CAB39: variants seen among roughly 807,000 people sequenced by gnomAD.
CAB39 encodes the protein calcium-binding protein 39.
A neutral mutation model predicts 40.0 loss-of-function variants in CAB39; 8 were observed. The observed-to-expected ratio is 0.20, with a 90% CI of 0.12 to 0.36. The LOEUF (loss-of-function observed/expected upper bound fraction) is 0.36. Ranked by LOEUF, CAB39 falls within the 10% of genes least tolerant of loss-of-function variation. The probability of loss-of-function intolerance (pLI) is 1.00; values close to 1 mark genes in which losing one functional copy is unlikely to be tolerated. For missense variants in CAB39, 270 were observed against 401.1 expected, an observed-to-expected ratio of 0.67 and a Z score of 2.79; for synonymous variants, 156 against 141.6, an observed-to-expected ratio of 1.10 and a Z score of -0.72.
rs566699665 is a variant in CAB39, at chr2:230,749,849, T to G, written c.-43-10110T>G. On this transcript the variant is annotated intron_variant, in intron 1 of 8. Coordinates refer to ENST00000258418, the MANE Select transcript of CAB39 (RefSeq NM_016289.4). ...GCGGGCTTAGAAACATTTTTAAGTTTACTGATACATATGAATATATTGATT... is the reference window on the plus strand; with the variant it reads ...GCGGGCTTAGAAACATTTTTAAGTTGACTGATACATATGAATATATTGATT... Among the ~76,000 whole-genome samples, 8 of 152,344 alleles carry G rather than the reference T, an allele frequency of 5.3e-5. 1 individual carries two copies. In the East Asian group the frequency reaches 1.3e-3, roughly 26 times the overall value.
At chr2:230,776,930 G>T (rs1575939221) in intron 2 of CAB39, among the ~76,000 whole-genome samples, 1 of 152,010 alleles carries the variant, frequency 6.6e-6, no homozygotes, top group Admixed American at 6.5e-5. Context: ...CTCATGATCC[G>T]CCCGCCTCAG....
chr2:230,782,922 C>T (rs1307076071), intron 2 of CAB39, among the ~76,000 whole-genome samples: 1 of 150,826 alleles, frequency 6.6e-6, no homozygotes. Context: ...ACGCCATTCT[C>T]CTGCCTCAGC....
chr2:230,814,462 G>C (rs115033284), intron 7 of CAB39, among the ~76,000 whole-genome samples: 2 of 152,312 alleles, frequency 1.3e-5, no homozygotes, highest in Non-Finnish European at 2.9e-5. Context: ...GGCACAGGCA[G>C]GTGTGTGAGG....
chr2:230,787,289 C>G (rs1253986872), intron 2 of CAB39, among the ~76,000 whole-genome samples: 1 of 152,172 alleles, frequency 6.6e-6, no homozygotes, highest in African/African-American at 2.4e-5. Flanking sequence ...CATGATGATT[C>G]AAAGATATGA....
chr2:230,791,237 T>C (rs1228349508), intron 3 of CAB39, among the ~76,000 whole-genome samples: 2 of 152,154 alleles, frequency 1.3e-5, no homozygotes. Flanking sequence ...TGGGACAGGG[T>C]TCTTCCCTGT....
intron 1 of CAB39, among the ~76,000 whole-genome samples, chr2:230,759,363 T>C (rs1249683195): frequency 6.6e-6 from 1 of 152,180 alleles, no homozygotes. Flanking sequence ...ACCTAGATAG[T>C]AGGCTGTTGC....
chr2:230,767,424 A>G (rs375369278), intron 2 of CAB39, among the ~76,000 whole-genome samples: 1 of 152,132 alleles, frequency 6.6e-6, no homozygotes, highest in Non-Finnish European at 1.5e-5. Flanking sequence ...TGTCCTGCTC[A>G]CTGCTTCACT....
chr2:230,728,565 G>C (rs571882606), intron 1 of CAB39, among the ~76,000 whole-genome samples: 6 of 152,228 alleles, frequency 3.9e-5, no homozygotes, highest in African/African-American at 1.4e-4. Flanking sequence ...GCTTCCCAAA[G>C]TGCTGGGATT....
rs1000156576 is a variant in CAB39 at position 230,725,500 on chromosome 2, C to A, written c.-44+12270C>A. ...ACCTCCCGTTTAATCTTTTAACAGC[C>A]CTTTTTAATATCAAATTTTGTCCTC... On this transcript the variant is annotated intron_variant, in intron 1 of 8. Transcript: ENST00000258418. 7 of 1,053,640 alleles carry A rather than the reference C, an allele frequency of 6.6e-6. No homozygotes were observed. The African/African-American group carries it at 8.0e-5, about 12-fold the overall frequency. 65.3% of individuals were successfully genotyped at this position (1,053,640 alleles called of 1,614,324 possible).
chr2:230,785,941 G>C (rs1382791652), intron 2 of CAB39, among the ~76,000 whole-genome samples: 1 of 151,676 alleles, frequency 6.6e-6, no homozygotes, highest in Non-Finnish European at 1.5e-5. Flanking sequence ...GAGGCAGGCG[G>C]ATCACAAGGT....
Position 230,805,400 on chromosome 2 carries a change from TA to T in CAB39, c.568-4853del, listed in dbSNP as rs541428932. On this transcript the variant is annotated intron_variant, in intron 5 of 8. Coordinates refer to ENST00000258418, the MANE Select transcript of CAB39 (RefSeq NM_016289.4). ...TGTACCCTAGAACTTAAAGTATAAT[TA>T]AAAAAAAAATACAAAAAAAAATGGC... 4.0e-3 allele frequency among the ~76,000 whole-genome samples: 595 copies of T among 147,390 alleles called. 3 individuals are homozygous for T. Among genetic ancestry groups the T allele is most frequent in the Non-Finnish European group, 6.5e-3 (431 of 66,532 alleles).
At chr2:230,807,758 T>C (rs185647948) in intron 5 of CAB39, among the ~76,000 whole-genome samples, 105 of 152,324 alleles carry the variant, frequency 6.9e-4, no homozygotes, top group Admixed American at 2.5e-3. Context: ...AGAGGGCCTT[T>C]GCTTTATAGA....
At chr2:230,804,971 A>G (rs1696164427) in intron 5 of CAB39, among the ~76,000 whole-genome samples, 1 of 152,224 alleles carries the variant, frequency 6.6e-6, no homozygotes, top group African/African-American at 2.4e-5. Flanking sequence ...TGCACTATTC[A>G]CAATAGCAAA....
At chr2:230,729,905 T>C (rs1375015369) in intron 1 of CAB39, among the ~76,000 whole-genome samples, 1 of 152,088 alleles carries the variant, frequency 6.6e-6, no homozygotes, top group Non-Finnish European at 1.5e-5. Context: ...TTTGAGATTT[T>C]TACAAAGAAA....
intron 2 of CAB39, among the ~76,000 whole-genome samples, chr2:230,762,759 T>G (rs1376588015): frequency 6.6e-6 from 1 of 152,228 alleles, no homozygotes; most frequent in East Asian, 1.9e-4. Context: ...CTGGGTCAGA[T>G]TTTAGGCACT....
At chr2:230,732,631 G>T (rs1694714162) in intron 1 of CAB39, among the ~76,000 whole-genome samples, 1 of 152,034 alleles carries the variant, frequency 6.6e-6, no homozygotes, top group Admixed American at 6.6e-5. Flanking sequence ...CATGAATCAG[G>T]GTAAAATCGC....
chr2:230,773,310 A>ATGTGTGTGTGTGTG (rs772464376), intron 2 of CAB39, among the ~76,000 whole-genome samples: 18 of 84,446 alleles, frequency 2.1e-4, no homozygotes, highest in African/African-American at 4.1e-4. Flanking sequence ...ATATATATAT[A>ATGTGTGTGTGTGTG]TATATGTGTG....
At chr2:230,807,348 A>C (rs1696214651) in intron 5 of CAB39, among the ~76,000 whole-genome samples, 1 of 151,750 alleles carries the variant, frequency 6.6e-6, no homozygotes, top group African/African-American at 2.4e-5. Context: ...TTCCCAGCTT[A>C]GTATTCACCT....
At chr2:230,786,920 G>A (rs1405282083) in intron 2 of CAB39, among the ~76,000 whole-genome samples, 1 of 152,160 alleles carries the variant, frequency 6.6e-6, no homozygotes, top group Non-Finnish European at 1.5e-5. Context: ...TTTGCATATG[G>A]GATGATGAAC....
Sources: allele counts gnomAD v4.1 joint callset (sites outside exome capture counted in the v4.1 genomes callset), GRCh38; gene constraint gnomAD v4.1.1; transcripts MANE v1.5; gene names NCBI Gene and HGNC (gene_info 2026-07-23, HGNC 2026-07-21).